SGIP1: variants seen among roughly 807,000 people sequenced by gnomAD.
SGIP1 encodes SH3GL interacting endocytic adaptor 1, also known as SH3-containing GRB2-like protein 3-interacting protein 1.
In SGIP1, 38 loss-of-function variants were observed where a neutral mutation model predicts 107.5. The observed-to-expected ratio is 0.35, with a 90% CI of 0.27 to 0.46. SGIP1 has a LOEUF of 0.46. Among genes scored for constraint, SGIP1 ranks in the 20% least tolerant of loss-of-function variants. The pLI is 1.00. For synonymous variants in SGIP1, 365 were observed against 366.1 expected (o/e 1.00, Z 0.03); for missense variants, 929 against 1,019.5 (o/e 0.91, Z 1.21).
In SGIP1 at chr1:66,553,114, C is replaced by T. The variant is rs151265843; in HGVS notation, c.10+18746C>T. ...GGACGACAGCTCCATGTTTGGGTCA[C>T]GGTTGAACTGGGTCTTGCAGTCTTC... On this transcript the variant is annotated intron_variant, in intron 1 of 24. Coordinates refer to ENST00000371037, the MANE Select transcript of SGIP1 (RefSeq NM_032291.4). Among the ~76,000 whole-genome samples the T allele has an allele frequency of 9.9e-4, 151 of 152,250 alleles. 8 individuals carry two copies. The highest frequency in any genetic ancestry group is 5.4e-4 in the Non-Finnish European group (37 of 68,010).
intron 17 of SGIP1, 171 bp from the exon 18 acceptor site, chr1:66,695,263 A>AAAAAAAAAAAAAAAT: frequency 7.6e-7 from 1 of 1,307,252 alleles, no homozygotes; most frequent in African/African-American, 1.5e-5. Flanking sequence ...ACTAAAAAAA[A>AAAAAAAAAAAAAAAT]AAAAAAAAGT....
intron 7 of SGIP1, among the ~76,000 whole-genome samples, chr1:66,650,615 C>T (rs1183488418): frequency 1.3e-5 from 2 of 152,140 alleles, no homozygotes; most frequent in Non-Finnish European, 2.9e-5. Flanking sequence ...GTCTCAGATA[C>T]GGACATCTCC....
intron 12 of SGIP1, among the ~76,000 whole-genome samples, chr1:66,674,032 G>A (rs919742890): frequency 6.6e-6 from 1 of 152,028 alleles, no homozygotes; most frequent in Non-Finnish European, 1.5e-5. Context: ...GCCGGGCATG[G>A]TGGTGCATGC....
chr1:66,705,141 G>A lies in SGIP1; in HGVS notation c.1630+9648G>A, dbSNP rs559176073. On this transcript the variant is annotated intron_variant, in intron 18 of 24. Transcript: ENST00000371037. The stretch of plus-strand genomic sequence containing the variant: ...TGTGTGTGTAATCATTTCTGCTACA[G>A]CGTGGACTGTCAGCAGACAAAAAAA... Among the ~76,000 whole-genome samples the A allele has an allele frequency of 4.9e-4, 75 of 152,212 alleles. No homozygotes were observed. The South Asian group carries it at 9.3e-3, about 19-fold the overall frequency.
chr1:66,584,519 A>G (rs1256020880), intron 1 of SGIP1, among the ~76,000 whole-genome samples: 6 of 152,112 alleles, frequency 3.9e-5, no homozygotes. Context: ...GCAAACAAGG[A>G]CATTTAAACT....
At chr1:66,631,681 T>TC (rs2074740245) in intron 2 of SGIP1, among the ~76,000 whole-genome samples, 5 of 132,164 alleles carry the variant, frequency 3.8e-5, no homozygotes, top group African/African-American at 5.7e-5. Flanking sequence ...CTCTCTCTCT[T>TC]TCTCTCTCTC....
intron 15 of SGIP1, among the ~76,000 whole-genome samples, chr1:66,687,592 A>T (rs1173117922): frequency 6.6e-6 from 1 of 152,192 alleles, no homozygotes; most frequent in Non-Finnish European, 1.5e-5. Flanking sequence ...GCTATAAGAG[A>T]TTGCATTTAA....
At chr1:66,548,701 T>A (rs912470555) in intron 1 of SGIP1, among the ~76,000 whole-genome samples, 3 of 152,192 alleles carry the variant, frequency 2.0e-5, no homozygotes, top group Non-Finnish European at 4.4e-5. Context: ...TTAAGAGATC[T>A]TACTGTTGAC....
rs1354538244 is a variant in SGIP1 at position 66,750,863 on chromosome 1, G to A, written c.*7768G>A. Among the ~76,000 whole-genome samples the A allele has an allele frequency of 1.3e-5, 2 of 152,196 alleles. No individual in the cohort carries two copies. The highest frequency in any genetic ancestry group is 4.8e-5 in the African/African-American group (2 of 41,444). ...TAATTGACTTGTTGAAGATAATCAT[G>A]AGACCATCTTAACATTACTTGCCTT... On this transcript the variant is annotated 3_prime_UTR_variant, in exon 25 of 25. Transcript: ENST00000371037.
intron 1 of SGIP1, among the ~76,000 whole-genome samples, chr1:66,615,538 C>G (rs544563437): frequency 6.6e-6 from 1 of 152,224 alleles, no homozygotes; most frequent in Admixed American, 6.5e-5. Flanking sequence ...CCCCCTATTC[C>G]CTGAATGAAA....
intron 7 of SGIP1, among the ~76,000 whole-genome samples, chr1:66,645,766 A>G (rs1384015216): frequency 6.6e-6 from 1 of 152,216 alleles, no homozygotes. Flanking sequence ...CTGAAAACAT[A>G]TTCTTGGCTT....
chr1:66,723,928 G>A (rs2093648960), intron 19 of SGIP1, among the ~76,000 whole-genome samples: 1 of 152,122 alleles, frequency 6.6e-6, no homozygotes, highest in African/African-American at 2.4e-5. Context: ...GAGAAACCAA[G>A]GAAGGCTAAA....
At chr1:66,648,700 G>A (rs1039566182) in intron 7 of SGIP1, among the ~76,000 whole-genome samples, 1 of 152,166 alleles carries the variant, frequency 6.6e-6, no homozygotes, top group South Asian at 2.1e-4. Context: ...GGCACCTAGG[G>A]TTATCACCTT....
At position 66,635,944 on chromosome 1, in the gene SGIP1, C is replaced by T; in HGVS notation, c.100C>T (p.Gln34Ter). The change falls in exon 4 of 25, where the codon CAG becomes TAG. Residue 34 changes from glutamine to a stop codon, truncating the protein, a stop_gained and splice_region_variant. Transcript: ENST00000371037. LOFTEE classifies it high-confidence loss of function. Reference protein sequence around the residue: ...STGSPDRDGIQPSPHEPPYNS... With the variant: ...STGSPDRDGI ...TCTACATGAAAACAATCAATTCCAGCAGCCCAGCCCACACGAACCACCCTA... is the reference window on the plus strand; with the variant it reads ...TCTACATGAAAACAATCAATTCCAGTAGCCCAGCCCACACGAACCACCCTA... 6.2e-7 allele frequency: 1 copy of T among 1,613,390 alleles called. No individual in the cohort carries two copies. Among genetic ancestry groups the T allele is most frequent in the Non-Finnish European group, 8.5e-7 (1 of 1,179,670 alleles).
At chr1:66,706,911 T>C (rs1471757298) in intron 18 of SGIP1, among the ~76,000 whole-genome samples, 1 of 152,194 alleles carries the variant, frequency 6.6e-6, no homozygotes, top group African/African-American at 2.4e-5. Context: ...GTTGGCTTTA[T>C]TGTGATCATG....
chr1:66,625,557 A>G (rs1047292810), intron 1 of SGIP1, among the ~76,000 whole-genome samples: 17 of 152,242 alleles, frequency 1.1e-4, no homozygotes, highest in Admixed American at 1.1e-3. Context: ...TGGGTGATGA[A>G]CAACAGTAGT....
At chr1:66,602,788 A>T (rs769956735) in intron 1 of SGIP1, among the ~76,000 whole-genome samples, 1 of 152,160 alleles carries the variant, frequency 6.6e-6, no homozygotes, top group Non-Finnish European at 1.5e-5. Flanking sequence ...TAATAACTAG[A>T]TGTCTAAAAA....
chr1:66,575,612 T>G (rs1337329266), intron 1 of SGIP1, among the ~76,000 whole-genome samples: 4 of 152,158 alleles, frequency 2.6e-5, no homozygotes, highest in African/African-American at 9.7e-5. Flanking sequence ...CCACTGGGGT[T>G]CAGTTTTCAC....
chr1:66,556,455 T>A (rs1281468064), intron 1 of SGIP1, among the ~76,000 whole-genome samples: 1 of 152,130 alleles, frequency 6.6e-6, no homozygotes, highest in Non-Finnish European at 1.5e-5. Flanking sequence ...AGTGGGCATT[T>A]GTATTTCCCC....
Sources: gnomAD v4.1 joint callset for allele counts (sites outside exome capture counted in the v4.1 genomes callset) on GRCh38, gnomAD v4.1.1 for gene constraint, MANE v1.5 for transcripts, NCBI Gene and HGNC (gene_info 2026-07-23, HGNC 2026-07-21) for gene names.